The following MAPKAP1 variants were observed in gnomAD, a reference collection of about 807,000 sequenced individuals.
The protein encoded by MAPKAP1 is target of rapamycin complex 2 subunit MAPKAP1.
Under a neutral mutation model 65.7 loss-of-function variants are expected in MAPKAP1, and 20 were observed. That is an observed-to-expected ratio of 0.30 (90% CI 0.21 to 0.44). MAPKAP1 has a LOEUF of 0.44. MAPKAP1 is among the 20% of genes least tolerant of loss of function. MAPKAP1 has a pLI of 1.00. For missense variants in MAPKAP1, 423 were observed against 648.0 expected, an observed-to-expected ratio of 0.65 and a Z score of 3.77; for synonymous variants, 222 against 244.3, an observed-to-expected ratio of 0.91 and a Z score of 0.85.
At position 125,688,429 on chromosome 9, in the gene MAPKAP1, T is replaced by C. The variant is rs191628312; in HGVS notation, c.-69-15786A>G. 7.3e-4 allele frequency among the ~76,000 whole-genome samples: 111 copies of C among 152,218 alleles called. 1 individual carries two copies. Among genetic ancestry groups the C allele is most frequent in the Non-Finnish European group, 4.1e-4 (28 of 68,006 alleles). On this transcript the variant is annotated intron_variant, in intron 1 of 11. Transcript: ENST00000265960. Reference sequence around the variant, plus strand: ...CGGGGGTTACAGGCATGAACCACCATGCCCAGCTAGACTATCTCATTTTTT... The same window carrying C: ...CGGGGGTTACAGGCATGAACCACCACGCCCAGCTAGACTATCTCATTTTTT...
chr9:125,468,326 T>G (rs925091737), intron 9 of MAPKAP1, among the ~76,000 whole-genome samples: 1 of 152,230 alleles, frequency 6.6e-6, no homozygotes, highest in East Asian at 1.9e-4. Flanking sequence ...GGTGGGTGAG[T>G]TGAGGGTGGG....
intron 6 of MAPKAP1, among the ~76,000 whole-genome samples, chr9:125,553,306 T>C (rs1830637932): frequency 2.0e-5 from 3 of 151,904 alleles, no homozygotes; most frequent in Middle Eastern, 6.8e-3. Context: ...ATTTGGGAGG[T>C]AGAGGCAGGC....
chr9:125,478,484 C>T (rs1182251695), intron 9 of MAPKAP1, among the ~76,000 whole-genome samples: 7 of 152,154 alleles, frequency 4.6e-5, no homozygotes, highest in East Asian at 1.9e-4. Context: ...TGCGCCACCA[C>T]ACCCAGCTAA....
Position 125,518,507 on chromosome 9 carries a change from T to TA in MAPKAP1, c.959-12091dup, listed in dbSNP as rs955418297. Among the ~76,000 whole-genome samples the TA allele has an allele frequency of 5.4e-3, 786 of 145,310 alleles. 4 individuals carry two copies. The highest frequency in any genetic ancestry group is 7.3e-3 in the Admixed American group (107 of 14,638). On this transcript the variant is annotated intron_variant, in intron 7 of 11. Coordinates refer to ENST00000265960, the MANE Select transcript of MAPKAP1 (RefSeq NM_001006617.3). ...GTGAAACCTCGTCGCTACAAAAAAT[T>TA]AAAAAAAAAAAAATTAGCTGGTTGT...
chr9:125,635,519 C>T (rs1833398659), intron 4 of MAPKAP1, among the ~76,000 whole-genome samples: 1 of 152,206 alleles, frequency 6.6e-6, no homozygotes, highest in African/African-American at 2.4e-5. Context: ...ATGCGCCCTA[C>T]CTTTTGCCAC....
chr9:125,502,978 C>A (rs1829028725), intron 8 of MAPKAP1, among the ~76,000 whole-genome samples: 1 of 152,140 alleles, frequency 6.6e-6, no homozygotes, highest in Admixed American at 6.5e-5. Context: ...GTTAAATCTT[C>A]CAAGTAAACT....
chr9:125,654,437 A>G (rs564406969), intron 4 of MAPKAP1, among the ~76,000 whole-genome samples: 173 of 152,312 alleles, frequency 1.1e-3, no homozygotes, highest in African/African-American at 4.0e-3. Context: ...ATCAGTAAAC[A>G]GTTATTGATA....
rs551571696 is a variant in MAPKAP1, at chr9:125,613,828, C to T, written c.499-28101G>A. ...TTTTTTTTTTTTTAAGACGGAGTCTCGCTCTGTCACCCAAGCTGGAGTGCA... is the reference window on the plus strand; with the variant it reads ...TTTTTTTTTTTTTAAGACGGAGTCTTGCTCTGTCACCCAAGCTGGAGTGCA... On this transcript the variant is annotated intron_variant, in intron 4 of 11. Transcript: ENST00000265960. Among the ~76,000 whole-genome samples, 8 of 151,232 alleles carry T rather than the reference C, an allele frequency of 5.3e-5. No homozygotes were observed. In the South Asian group the frequency reaches 1.5e-3, roughly 28 times the overall value.
intron 7 of MAPKAP1, among the ~76,000 whole-genome samples, chr9:125,513,926 C>A (rs1172007423): frequency 1.3e-5 from 2 of 152,144 alleles, no homozygotes; most frequent in African/African-American, 4.8e-5. Flanking sequence ...GCTCAGCAGC[C>A]AGGATTCCTA....
chr9:125,505,217 G>C (rs1025482979), intron 8 of MAPKAP1, among the ~76,000 whole-genome samples: 3 of 152,246 alleles, frequency 2.0e-5, no homozygotes, highest in Admixed American at 6.5e-5. Flanking sequence ...GGATCACCAC[G>C]TCAGGAGATA....
rs1335024190 is a variant in MAPKAP1 at position 125,576,975 on chromosome 9, C to T, written c.671+8580G>A. On this transcript the variant is annotated intron_variant, in intron 5 of 11. Transcript: ENST00000265960. ...GAAGTGAGGAGCGTCTCTGCCTGGC[C>T]GCCCATCGTCTGGGATGTGAGGAGC... 5.3e-5 allele frequency among the ~76,000 whole-genome samples: 8 copies of T among 151,234 alleles called. No individual in the cohort carries two copies. The South Asian group carries it at 6.3e-4, about 12-fold the overall frequency.
Position 125,693,740 on chromosome 9 carries a change from CGT to C in MAPKAP1, c.-70+13229_-70+13230del, listed in dbSNP as rs754771112. On this transcript the variant is annotated intron_variant, in intron 1 of 11. Transcript: ENST00000265960. ...ATACACGTATATACACATATATACA[CGT>C]ATATATACACATATATACACGTATA... Among the ~76,000 whole-genome samples the C allele has an allele frequency of 2.9e-3, 372 of 128,916 alleles. 7 individuals are homozygous for C. The highest frequency in any genetic ancestry group is 5.1e-3 in the African/African-American group (127 of 24,960). The allele number at this position is 128,916 out of a possible 152,430, so 84.6% of individuals were successfully genotyped here.
chr9:125,586,058 A>G (rs1479465851), intron 4 of MAPKAP1, among the ~76,000 whole-genome samples: 1 of 152,134 alleles, frequency 6.6e-6, no homozygotes, highest in Non-Finnish European at 1.5e-5. Context: ...CCTGGACCTT[A>G]GCACTGGGTG....
chr9:125,437,491 T>C lies in MAPKAP1; in HGVS notation c.*1396A>G, dbSNP rs1730031077. Reference sequence around the variant, plus strand: ...AGTCATTTACATTTTTCAAAGTATCTAAATATAAAATTGCTAAAAATTCAA... The same window carrying C: ...AGTCATTTACATTTTTCAAAGTATCCAAATATAAAATTGCTAAAAATTCAA... On this transcript the variant is annotated 3_prime_UTR_variant, in exon 12 of 12. Transcript: ENST00000265960. The C allele has an allele frequency of 6.6e-6, 1 of 152,652 alleles. No homozygotes were observed. The allele number at this position is 152,652 out of a possible 1,614,324, so 9.5% of individuals were successfully genotyped here.
intron 3 of MAPKAP1, among the ~76,000 whole-genome samples, chr9:125,669,179 CAAAAA>C (rs1187824182): frequency 9.7e-6 from 1 of 103,162 alleles, no homozygotes; most frequent in African/African-American, 3.6e-5. Flanking sequence ...GACTCCGTCT[CAAAAA>C]AAAAAAAAAA....
intron 1 of MAPKAP1, among the ~76,000 whole-genome samples, chr9:125,699,243 C>T (rs1835524845): frequency 6.6e-6 from 1 of 152,080 alleles, no homozygotes. Context: ...GGGTCTCCCT[C>T]TGTCATCCAG....
At chr9:125,577,735 C>G (rs1385793644) in intron 5 of MAPKAP1, among the ~76,000 whole-genome samples, 1 of 133,302 alleles carries the variant, frequency 7.5e-6, no homozygotes, top group Non-Finnish European at 1.6e-5. Context: ...TGAGGGGCGC[C>G]TCTGCCTGGC....
At chr9:125,661,403 C>G (rs1834180673) in intron 3 of MAPKAP1, among the ~76,000 whole-genome samples, 1 of 152,144 alleles carries the variant, frequency 6.6e-6, no homozygotes, top group Admixed American at 6.6e-5. Context: ...AAAGCAAAGC[C>G]TGAAAACAAA....
chr9:125,693,730 CAT>C lies in MAPKAP1; in HGVS notation c.-70+13239_-70+13240del, dbSNP rs1342948813. On this transcript the variant is annotated intron_variant, in intron 1 of 11. Coordinates refer to ENST00000265960, the MANE Select transcript of MAPKAP1 (RefSeq NM_001006617.3). ...ATACACATATATACACGTATATACA[CAT>C]ATATACACGTATATATACACATATA... 7.4e-5 allele frequency among the ~76,000 whole-genome samples: 10 copies of C among 134,880 alleles called. 1 individual carries two copies. Among genetic ancestry groups the C allele is most frequent in the East Asian group, 4.1e-4 (2 of 4,830 alleles). 88.5% of individuals were successfully genotyped at this position (134,880 alleles called of 152,430 possible). A position where few individuals can be genotyped will look rare whatever the true frequency, so the allele number is the denominator to read the frequency against.
Sources: gnomAD v4.1 joint callset for allele counts (sites outside exome capture counted in the v4.1 genomes callset) on GRCh38, gnomAD v4.1.1 for gene constraint, MANE v1.5 for transcripts, NCBI Gene and HGNC (gene_info 2026-07-23, HGNC 2026-07-21) for gene names.